KIF6: variants seen among roughly 807,000 people sequenced by gnomAD.
KIF6 encodes kinesin-like protein KIF6.
KIF6 carries 106 observed loss-of-function variants against 112.7 expected under a neutral mutation model. The ratio of observed to expected loss-of-function variants is 0.94; its 90% CI spans 0.80 to 1.11. KIF6 has a LOEUF of 1.11. KIF6 is among the 50% of genes least tolerant of loss of function. The pLI is 0.00. For synonymous variants in KIF6, 339 were observed against 339.9 expected (o/e 1.00, Z 0.03); for missense variants, 929 against 964.0 (o/e 0.96, Z 0.48).
chr6:39,435,856 T>C (rs1185430361), intron 13 of KIF6, among the ~76,000 whole-genome samples: 1 of 152,214 alleles, frequency 6.6e-6, no homozygotes, highest in Admixed American at 6.5e-5. Context: ...TATAATGACT[T>C]GTTTTCCTTT....
At position 39,392,467 on chromosome 6, in the gene KIF6, C is replaced by T. The variant is rs568060780; in HGVS notation, c.1811-6795G>A. Among the ~76,000 whole-genome samples the T allele has an allele frequency of 3.4e-4, 51 of 152,214 alleles. 1 individual carries two copies. The South Asian group carries it at 0.01, about 30-fold the overall frequency. ...ATTGTGCTAGTCTATCTGCCCAAGGCAAAGACCTTAAAGTATGTTGAGGAT... is the reference window on the plus strand; with the variant it reads ...ATTGTGCTAGTCTATCTGCCCAAGGTAAAGACCTTAAAGTATGTTGAGGAT... On this transcript the variant is annotated intron_variant, in intron 15 of 22. Coordinates refer to ENST00000287152, the MANE Select transcript of KIF6 (RefSeq NM_145027.6).
chr6:39,606,264 C>T (rs1782880461), intron 6 of KIF6, among the ~76,000 whole-genome samples: 1 of 151,132 alleles, frequency 6.6e-6, no homozygotes, highest in Non-Finnish European at 1.5e-5. Flanking sequence ...TTTTCTTTGT[C>T]TTGTAATCTT....
At chr6:39,604,884 T>A (rs1782798903) in intron 6 of KIF6, among the ~76,000 whole-genome samples, 1 of 152,108 alleles carries the variant, frequency 6.6e-6, no homozygotes, top group Admixed American at 6.6e-5. Flanking sequence ...GAAAACAAAG[T>A]CAGAATTAGT....
intron 3 of KIF6, among the ~76,000 whole-genome samples, chr6:39,699,437 G>A (rs1488763028): frequency 3.3e-5 from 5 of 152,152 alleles, no homozygotes; most frequent in African/African-American, 1.2e-4. Context: ...TAAGGCTAGA[G>A]GTTTCCGGAA....
At position 39,558,160 on chromosome 6, in the gene KIF6, C is replaced by T. The variant is rs557435034; in HGVS notation, c.1182-12472G>A. Reference sequence around the variant, plus strand: ...ATAGGAGAGAGATATACCATACTTGCTGTTAGGTTCTTGAAATGAACTCCA... The same window carrying T: ...ATAGGAGAGAGATATACCATACTTGTTGTTAGGTTCTTGAAATGAACTCCA... On this transcript the variant is annotated intron_variant, in intron 10 of 22. Coordinates refer to ENST00000287152, the MANE Select transcript of KIF6 (RefSeq NM_145027.6). 5.3e-5 allele frequency among the ~76,000 whole-genome samples: 8 copies of T among 152,222 alleles called. No homozygotes were observed. The South Asian group carries it at 1.7e-3, about 32-fold the overall frequency.
intron 13 of KIF6, among the ~76,000 whole-genome samples, chr6:39,454,650 C>T (rs946303494): frequency 1.3e-5 from 2 of 152,082 alleles, no homozygotes; most frequent in Admixed American, 1.3e-4. Flanking sequence ...TGGGCGCAGG[C>T]CAGTGGGTGC....
At chr6:39,481,928 T>G (rs1195112984) in intron 13 of KIF6, among the ~76,000 whole-genome samples, 1 of 152,058 alleles carries the variant, frequency 6.6e-6, no homozygotes, top group Non-Finnish European at 1.5e-5. Context: ...TCCATGATAC[T>G]GTCAGTACTC....
intron 13 of KIF6, among the ~76,000 whole-genome samples, chr6:39,433,834 G>A (rs1161561593): frequency 2.0e-5 from 3 of 152,184 alleles, no homozygotes; most frequent in African/African-American, 7.2e-5. Flanking sequence ...TCCAGTGTGT[G>A]AGCCCAGGTC....
intron 15 of KIF6, among the ~76,000 whole-genome samples, chr6:39,407,898 T>C (rs563952267): frequency 3.3e-5 from 5 of 152,270 alleles, no homozygotes; most frequent in Non-Finnish European, 5.9e-5. Flanking sequence ...GTAGAGTCAG[T>C]ACCTCCCAAT....
At chr6:39,701,797 G>A (rs975042080) in intron 3 of KIF6, among the ~76,000 whole-genome samples, 1 of 152,150 alleles carries the variant, frequency 6.6e-6, no homozygotes, top group Non-Finnish European at 1.5e-5. Flanking sequence ...TATTGGTTTT[G>A]CATTTCACAC....
chr6:39,431,379 G>C (rs1771147418), intron 13 of KIF6: 3 of 436,666 alleles, frequency 6.9e-6, no homozygotes, highest in Non-Finnish European at 1.2e-5. Flanking sequence ...GACTGTGCCT[G>C]CACAGCCATG....
intron 13 of KIF6, among the ~76,000 whole-genome samples, chr6:39,442,330 G>A (rs1370441884): frequency 1.3e-5 from 2 of 152,184 alleles, no homozygotes; most frequent in Non-Finnish European, 2.9e-5. Flanking sequence ...GCTTCTGATT[G>A]CCAGCAATAA....
intron 13 of KIF6, among the ~76,000 whole-genome samples, chr6:39,464,320 T>G (rs1178762710): frequency 6.6e-6 from 1 of 152,168 alleles, no homozygotes; most frequent in Non-Finnish European, 1.5e-5. Context: ...CGAAAACATA[T>G]TTATTTTGGC....
chr6:39,385,625 G>A lies in KIF6; in HGVS notation c.1858C>T (p.Leu620=), dbSNP rs35249324. The change falls in exon 16 of 23, where the codon CTA becomes TTA. Residue 620 remains leucine, a synonymous_variant. Coordinates refer to ENST00000287152, the MANE Select transcript of KIF6 (RefSeq NM_145027.6). ...ITQRHIQQVA[L]GISENMAVPL... ...TGCAGATTCTCTTTGTACCTACCTA[G>A]GGCTACTTGCTGTATATGCCGCTGG... 1.1e-3 allele frequency: 1,724 copies of A among 1,612,992 alleles called. 16 individuals are homozygous for A. The African/African-American group carries it at 0.02, about 18-fold the overall frequency.
intron 5 of KIF6, among the ~76,000 whole-genome samples, chr6:39,617,245 TC>T (rs559297944): frequency 2.8e-3 from 425 of 152,264 alleles, no homozygotes; most frequent in Non-Finnish European, 5.2e-3. Flanking sequence ...TTGTGTTTTC[TC>T]TGTAAACAGA....
intron 13 of KIF6, among the ~76,000 whole-genome samples, chr6:39,503,486 G>C (rs1027968592): frequency 6.6e-6 from 1 of 151,924 alleles, no homozygotes; most frequent in African/African-American, 2.4e-5. Flanking sequence ...GAGCTGAACT[G>C]AAGGAGACAG....
intron 20 of KIF6, 40 bp downstream of exon 20, chr6:39,346,436 G>C (rs748048932): frequency 1.5e-5 from 11 of 716,804 alleles, no homozygotes; most frequent in Admixed American, 8.0e-5. Flanking sequence ...AGGATGCGTC[G>C]AGAAGACAGC....
intron 13 of KIF6, among the ~76,000 whole-genome samples, chr6:39,504,523 A>T (rs1582000007): frequency 6.6e-6 from 1 of 152,220 alleles, no homozygotes; most frequent in South Asian, 2.1e-4. Context: ...ATAAATAAGT[A>T]AAGGATATTC....
intron 6 of KIF6, among the ~76,000 whole-genome samples, chr6:39,611,418 C>A (rs1783208530): frequency 6.6e-6 from 1 of 152,136 alleles, no homozygotes; most frequent in African/African-American, 2.4e-5. Context: ...AAAACCCCAG[C>A]CTGAAACCAT....
Sources: gnomAD v4.1 joint callset for allele counts (sites outside exome capture counted in the v4.1 genomes callset) on GRCh38, gnomAD v4.1.1 for gene constraint, MANE v1.5 for transcripts, NCBI Gene and HGNC (gene_info 2026-07-23, HGNC 2026-07-21) for gene names.